CNTN3: variants seen among roughly 807,000 people sequenced by gnomAD.
CNTN3 encodes the protein contactin 3, also known as contactin-3.
Under a neutral mutation model 119.1 loss-of-function variants are expected in CNTN3, and 60 were observed. The observed-to-expected ratio is 0.50, with a 90% CI of 0.41 to 0.62. CNTN3 has a LOEUF of 0.62. CNTN3 is among the 20% of genes least tolerant of loss of function. CNTN3 has a pLI of 0.00. For synonymous variants in CNTN3, 450 were observed against 438.7 expected (o/e 1.03, Z -0.32); for missense variants, 1,101 against 1,242.4 (o/e 0.89, Z 1.71).
intron 4 of CNTN3, among the ~76,000 whole-genome samples, chr3:74,446,737 T>C (rs1371463312): frequency 6.7e-6 from 1 of 150,336 alleles, no homozygotes; most frequent in Non-Finnish European, 1.5e-5. Context: ...TCAAGTTACA[T>C]ATGTGGCCCC....
rs541296895 is a variant in CNTN3, at chr3:74,383,764, T to C, written c.455-12365A>G. Among the ~76,000 whole-genome samples, 5 of 152,262 alleles carry C rather than the reference T, an allele frequency of 3.3e-5. No individual in the cohort carries two copies. The South Asian group carries it at 8.3e-4, about 25-fold the overall frequency. ...CCTCCCAAAGTGCTGGGATTATAGG[T>C]ATGAGCCACCACACCTGGCCCTTTT... On this transcript the variant is annotated intron_variant, in intron 5 of 22. Transcript: ENST00000263665.
chr3:74,575,456 T>C (rs1704398861), intron 1 of CNTN3, among the ~76,000 whole-genome samples: 1 of 152,010 alleles, frequency 6.6e-6, no homozygotes, highest in African/African-American at 2.4e-5. Context: ...TTCACCATGT[T>C]GGCCAGACTG....
At chr3:74,407,618 C>T (rs1035872639) in intron 5 of CNTN3, among the ~76,000 whole-genome samples, 9 of 151,790 alleles carry the variant, frequency 5.9e-5, no homozygotes, top group East Asian at 3.9e-4. Context: ...CAAAAGACCT[C>T]GAAACTTGCT....
chr3:74,528,715 C>T (rs1164241747), intron 1 of CNTN3, among the ~76,000 whole-genome samples: 1 of 151,830 alleles, frequency 6.6e-6, no homozygotes, highest in Non-Finnish European at 1.5e-5. Context: ...CATTAGAGAG[C>T]CATGAAGTAT....
At chr3:74,496,679 G>C (rs1298182835) in intron 3 of CNTN3, among the ~76,000 whole-genome samples, 2 of 152,006 alleles carry the variant, frequency 1.3e-5, no homozygotes, top group Non-Finnish European at 2.9e-5. Context: ...TTCCCATTTA[G>C]AAAAAGTATT....
rs71625974 is a variant in CNTN3 at position 74,424,474 on chromosome 3, CAGAG to C, written c.454+367_454+370del. Among the ~76,000 whole-genome samples, 1,029 of 142,478 alleles carry C rather than the reference CAGAG, an allele frequency of 7.2e-3. 9 individuals are homozygous for C. The highest frequency in any genetic ancestry group is 0.024 in the African/African-American group (936 of 39,132). 93.5% of individuals were successfully genotyped at this position (142,478 alleles called of 152,430 possible). A position where few individuals can be genotyped will look rare whatever the true frequency, so the allele number is the denominator to read the frequency against. Reference sequence around the variant, plus strand: ...TAAGCTTGTGTGTGTGTGTGTGTGACAGAGAGAGAGAGAGAGAGAGAGAAAGAGA... The same window carrying C: ...TAAGCTTGTGTGTGTGTGTGTGTGACAGAGAGAGAGAGAGAGAGAAAGAGA... On this transcript the variant is annotated intron_variant, in intron 5 of 22. Coordinates refer to ENST00000263665, the MANE Select transcript of CNTN3 (RefSeq NM_020872.3).
At chr3:74,413,181 CGTCCCAG>C (rs1337573151) in intron 5 of CNTN3, among the ~76,000 whole-genome samples, 1 of 152,054 alleles carries the variant, frequency 6.6e-6, no homozygotes, top group Non-Finnish European at 1.5e-5. Flanking sequence ...GAAAATGACA[CGTCCCAG>C]GTAGGGACCA....
intron 11 of CNTN3, among the ~76,000 whole-genome samples, chr3:74,351,242 G>T (rs185419763): frequency 1.3e-5 from 2 of 152,314 alleles, no homozygotes; most frequent in Admixed American, 6.5e-5. Flanking sequence ...AAAGGCGGGG[G>T]TCCCACAGAA....
At chr3:74,309,518 C>G (rs1702636120) in intron 13 of CNTN3, among the ~76,000 whole-genome samples, 1 of 152,136 alleles carries the variant, frequency 6.6e-6, no homozygotes, top group African/African-American at 2.4e-5. Context: ...GTTCTCAGTG[C>G]TGGCTGTACT....
intron 14 of CNTN3, among the ~76,000 whole-genome samples, chr3:74,302,018 G>A (rs558003421): frequency 6.6e-6 from 1 of 152,222 alleles, no homozygotes; most frequent in African/African-American, 2.4e-5. Flanking sequence ...CTTAAATTTG[G>A]ATGTGAGGCA....
At chr3:74,324,363 C>T (rs1425558724) in intron 13 of CNTN3, among the ~76,000 whole-genome samples, 1 of 152,064 alleles carries the variant, frequency 6.6e-6, no homozygotes, top group Non-Finnish European at 1.5e-5. Flanking sequence ...AGGTGTGTGC[C>T]ACCTCGCCCA....
chr3:74,461,927 G>C (rs916042968), intron 4 of CNTN3, among the ~76,000 whole-genome samples: 1 of 152,094 alleles, frequency 6.6e-6, no homozygotes. Flanking sequence ...ATATGGTTTG[G>C]ATCTGTGTCC....
chr3:74,330,136 A>C (rs1575730703), intron 13 of CNTN3, among the ~76,000 whole-genome samples: 1 of 152,132 alleles, frequency 6.6e-6, no homozygotes, highest in Admixed American at 6.5e-5. Context: ...CGGGCAGATC[A>C]CCTGAGGTCA....
chr3:74,334,854 C>G lies in CNTN3; in HGVS notation c.1549G>C (p.Val517Leu). 1.2e-6 allele frequency: 2 copies of G among 1,613,562 alleles called. No individual in the cohort carries two copies. The highest frequency in any genetic ancestry group is 8.5e-7 in the Non-Finnish European group (1 of 1,179,646). ...SNMDVSVGES[V>L]ILPCQVQHDP... The stretch of plus-strand genomic sequence containing the variant: ...TGTTGTACCTGGCAGGGCAATATGA[C>G]GCTTTCACCAACAGAAACATCCATG... Residue 517 changes from valine (V) to leucine (L), a missense_variant, in exon 13 of 23, where the codon GTC becomes CTC. By Grantham distance (32) the Val-to-Leu change is conservative. Coordinates refer to ENST00000263665, the MANE Select transcript of CNTN3 (RefSeq NM_020872.3).
intron 2 of CNTN3, among the ~76,000 whole-genome samples, chr3:74,507,206 G>A (rs114332320): frequency 0.018 from 2,774 of 152,162 alleles, 40 homozygotes; most frequent in Non-Finnish European, 0.027. Context: ...ATCATAGGAA[G>A]CCAAGAGTTC....
At chr3:74,390,297 C>CTAAA (rs1409356201) in intron 5 of CNTN3, among the ~76,000 whole-genome samples, 1 of 150,378 alleles carries the variant, frequency 6.6e-6, no homozygotes, top group African/African-American at 2.4e-5. Context: ...AAGGGTTTGA[C>CTAAA]TAAATAGAAG....
chr3:74,490,495 T>C (rs955796684), intron 3 of CNTN3, among the ~76,000 whole-genome samples: 1 of 152,174 alleles, frequency 6.6e-6, no homozygotes, highest in Non-Finnish European at 1.5e-5. Flanking sequence ...ACAGTGGCTA[T>C]ATGGAAAATT....
intron 2 of CNTN3, among the ~76,000 whole-genome samples, chr3:74,510,061 G>T (rs1457391720): frequency 8.2e-6 from 1 of 122,012 alleles, no homozygotes; most frequent in Non-Finnish European, 1.8e-5. Flanking sequence ...ATATATATAT[G>T]AAAACTTAGT....
chr3:74,463,126 T>A (rs1181280003), intron 4 of CNTN3, among the ~76,000 whole-genome samples: 1 of 152,142 alleles, frequency 6.6e-6, no homozygotes, highest in Non-Finnish European at 1.5e-5. Flanking sequence ...AGCTCAGTAA[T>A]CTAATCGTTG....
Sources: allele counts gnomAD v4.1 joint callset (sites outside exome capture counted in the v4.1 genomes callset), GRCh38; gene constraint gnomAD v4.1.1; transcripts MANE v1.5; gene names NCBI Gene and HGNC (gene_info 2026-07-23, HGNC 2026-07-21).